The following PDE3B variants were observed in gnomAD, a reference collection of about 807,000 sequenced individuals.
PDE3B encodes phosphodiesterase 3B.
A neutral mutation model predicts 116.8 loss-of-function variants in PDE3B; 66 were observed. The ratio of observed to expected loss-of-function variants is 0.56; its 90% CI spans 0.46 to 0.69. The LOEUF (loss-of-function observed/expected upper bound fraction) is 0.69. Among genes scored for constraint, PDE3B ranks in the 30% least tolerant of loss-of-function variants. The pLI, the probability that PDE3B is intolerant of heterozygous loss-of-function variation, is 0.00. For synonymous variants in PDE3B, 595 were observed against 533.6 expected (o/e 1.12, Z -1.59); for missense variants, 1,384 against 1,368.1 (o/e 1.01, Z -0.18).
the PDE3B span, among the ~76,000 whole-genome samples, chr11:14,883,794 G>A: frequency 1.3e-5 from 2 of 152,088 alleles, no homozygotes; most frequent in Admixed American, 6.5e-5. Context: ...ATCTGACAAA[G>A]GGCTAATATC....
At chr11:14,685,942 A>G (rs377683874) in intron 1 of PDE3B, among the ~76,000 whole-genome samples, 16 of 152,270 alleles carry the variant, frequency 1.1e-4, no homozygotes, top group African/African-American at 2.6e-4. Flanking sequence ...GATTCTACCT[A>G]TGCCACAGGT....
At chr11:14,896,924 C>A in the PDE3B span, among the ~76,000 whole-genome samples, 2 of 152,206 alleles carry the variant, frequency 1.3e-5, no homozygotes, top group South Asian at 4.2e-4. Context: ...TTAGAGATAG[C>A]CACAGCAACA....
chr11:14,898,229 A>G, the PDE3B span, among the ~76,000 whole-genome samples: 1 of 151,976 alleles, frequency 6.6e-6, no homozygotes, highest in Non-Finnish European at 1.5e-5. Flanking sequence ...ACGGAAACAC[A>G]TGGTGTTATC....
intron 13 of PDE3B, 65 bp from the exon 14 acceptor site, chr11:14,861,140 C>G: frequency 3.9e-6 from 5 of 1,279,526 alleles, no homozygotes; most frequent in Non-Finnish European, 5.6e-6. Flanking sequence ...TTGGTAAAAG[C>G]AAACAAAACA....
chr11:14,892,325 G>T, the PDE3B span: 2 of 967,330 alleles, frequency 2.1e-6, no homozygotes, highest in Non-Finnish European at 3.1e-6. Flanking sequence ...GTGGCCATTG[G>T]CTGACTGAGT....
chr11:14,655,343 A>G (rs1010023351), intron 1 of PDE3B, among the ~76,000 whole-genome samples: 11 of 152,206 alleles, frequency 7.2e-5, no homozygotes, highest in African/African-American at 2.4e-4. Flanking sequence ...ATACATACAC[A>G]TATATACACA....
chr11:14,870,864 CATT>C lies in PDE3B; in HGVS notation c.*1209_*1211del, dbSNP rs1200835675. The C allele has an allele frequency of 6.6e-6, 1 of 152,126 alleles. No homozygotes were observed. The highest frequency in any genetic ancestry group is 2.4e-5 in the African/African-American group (1 of 41,426). The allele number at this position is 152,126 out of a possible 1,614,324, so 9.4% of individuals were successfully genotyped here. A position where few individuals can be genotyped will look rare whatever the true frequency, so the allele number is the denominator to read the frequency against. On this transcript the variant is annotated 3_prime_UTR_variant, in exon 16 of 16. Coordinates refer to ENST00000282096, the MANE Select transcript of PDE3B (RefSeq NM_000922.4). The surrounding 1 kb of genome is among the most constrained non-coding windows in gnomAD (Gnocchi z 4.1). ...TAATAAATCATTTCATACAAAAGTA[CATT>C]ATTAAATAACCACATTATTAAAATA...
At chr11:14,864,550 A>AAG (rs1848008979) in intron 14 of PDE3B, among the ~76,000 whole-genome samples, 1 of 152,176 alleles carries the variant, frequency 6.6e-6, no homozygotes, top group African/African-American at 2.4e-5. Flanking sequence ...ACATAATTGG[A>AAG]AGTAAAACAC....
Position 14,835,088 on chromosome 11 carries a change from T to A in PDE3B, c.2313T>A (p.Asn771Lys), listed in dbSNP as rs1565157802. 1.3e-6 allele frequency: 2 copies of A among 1,591,482 alleles called. No homozygotes were observed. The highest frequency in any genetic ancestry group is 1.7e-6 in the Non-Finnish European group (2 of 1,162,562). Residue 771 changes from asparagine (N) to lysine (K), a missense_variant, in exon 11 of 16, where the codon AAT becomes AAA. Physicochemically the swap from Asn to Lys is moderately conservative, Grantham distance 94 (BLOSUM62 0). Coordinates refer to ENST00000282096, the MANE Select transcript of PDE3B (RefSeq NM_000922.4). ...QQIHNGCGTGNETDSDGRINH... is the reference protein window; with the variant it reads ...QQIHNGCGTGKETDSDGRINH... ...TCCACAATGGTTGTGGAACAGGAAATGAAACAGGTACTTCCTTCTACAAAT... is the reference window on the plus strand; with the variant it reads ...TCCACAATGGTTGTGGAACAGGAAAAGAAACAGGTACTTCCTTCTACAAAT...
At chr11:14,878,702 C>T in the PDE3B span, among the ~76,000 whole-genome samples, 1 of 152,038 alleles carries the variant, frequency 6.6e-6, no homozygotes, top group Non-Finnish European at 1.5e-5. Context: ...TCTTGTGTAC[C>T]TTTTCACAGA....
At chr11:14,802,065 G>A (rs998691014) in intron 4 of PDE3B, among the ~76,000 whole-genome samples, 1 of 152,190 alleles carries the variant, frequency 6.6e-6, no homozygotes, top group South Asian at 2.1e-4. Flanking sequence ...TAGTTTGCTG[G>A]GCTCTGTGGC....
chr11:14,825,452 C>A (rs993878066), intron 7 of PDE3B, among the ~76,000 whole-genome samples: 1 of 152,088 alleles, frequency 6.6e-6, no homozygotes, highest in Admixed American at 6.6e-5. Context: ...GAAAATCTAC[C>A]AAGCAAGTGG....
chr11:14,772,905 A>T (rs1263962764), intron 2 of PDE3B: 1 of 152,004 alleles, frequency 6.6e-6, no homozygotes, highest in East Asian at 1.9e-4. Flanking sequence ...CAAAAATGTT[A>T]TCTATGAATA....
chr11:14,887,138 C>G, the PDE3B span: 4 of 152,184 alleles, frequency 2.6e-5, no homozygotes, highest in African/African-American at 9.7e-5. Flanking sequence ...AAAGTCTCTT[C>G]GCAGAAGGGA....
At chr11:14,726,993 G>A (rs1020528005) in intron 1 of PDE3B, among the ~76,000 whole-genome samples, 1 of 152,124 alleles carries the variant, frequency 6.6e-6, no homozygotes, top group Non-Finnish European at 1.5e-5. Context: ...ATCTCCCCTT[G>A]AGGTCTAGCT....
intron 1 of PDE3B, among the ~76,000 whole-genome samples, chr11:14,721,734 T>A (rs866851416): frequency 5.4e-4 from 22 of 40,562 alleles, no homozygotes; most frequent in Admixed American, 2.8e-3. Flanking sequence ...TGAGATCACA[T>A]GGTCACAGGA....
chr11:14,883,935 C>T, the PDE3B span, among the ~76,000 whole-genome samples: 1 of 152,056 alleles, frequency 6.6e-6, no homozygotes, highest in East Asian at 2.0e-4. Context: ...AAAAAATGCT[C>T]ACCATCACTG....
At chr11:14,685,572 C>T (rs1477601850) in intron 1 of PDE3B, among the ~76,000 whole-genome samples, 1 of 149,912 alleles carries the variant, frequency 6.7e-6, no homozygotes, top group Admixed American at 6.8e-5. Context: ...TTTTCTCCCT[C>T]AGCTTCCCAA....
chr11:14,846,748 A>T (rs946695053), intron 12 of PDE3B, among the ~76,000 whole-genome samples: 5 of 152,174 alleles, frequency 3.3e-5, no homozygotes, highest in Non-Finnish European at 4.4e-5. Flanking sequence ...AAAGAAGGCC[A>T]TTACATAATG....
Sources: gnomAD v4.1 joint callset for allele counts (sites outside exome capture counted in the v4.1 genomes callset) on GRCh38, gnomAD v4.1.1 for gene constraint, Gnocchi (gnomAD v3.1) non-coding constraint, MANE v1.5 for transcripts, NCBI Gene and HGNC (gene_info 2026-07-23, HGNC 2026-07-21) for gene names.